FER: variants seen among roughly 807,000 people sequenced by gnomAD.
FER encodes FER tyrosine kinase.
Under a neutral mutation model 111.0 loss-of-function variants are expected in FER, and 63 were observed. That is an observed-to-expected ratio of 0.57 (90% confidence interval 0.46 to 0.70). The LOEUF is 0.70. Ranked by LOEUF, FER falls within the 30% of genes least tolerant of loss-of-function variation. The pLI, the probability that FER is intolerant of heterozygous loss-of-function variation, is 0.00. For synonymous variants in FER, 327 were observed against 313.9 expected, an observed-to-expected ratio of 1.04 and a Z score of -0.44; for missense variants, 914 against 954.0, an observed-to-expected ratio of 0.96 and a Z score of 0.55.
At chr5:109,131,568 A>G (rs1316455069) in intron 17 of FER, among the ~76,000 whole-genome samples, 2 of 151,944 alleles carry the variant, frequency 1.3e-5, no homozygotes, top group African/African-American at 4.8e-5. Context: ...CATTATTTCA[A>G]TTTTTCTTTT....
chr5:108,948,092 T>G (rs1034573148), intron 11 of FER, among the ~76,000 whole-genome samples: 3 of 152,134 alleles, frequency 2.0e-5, no homozygotes, highest in Admixed American at 2.0e-4. Context: ...AAAATTAGAA[T>G]GTTAAAGCAT....
intron 10 of FER, among the ~76,000 whole-genome samples, chr5:108,918,530 A>G (rs1034689341): frequency 1.4e-5 from 2 of 143,666 alleles, no homozygotes; most frequent in Admixed American, 1.4e-4. Context: ...TCTGTTGCCC[A>G]GGCTGGAGTG....
intron 16 of FER, among the ~76,000 whole-genome samples, chr5:109,067,496 A>T (rs1266923546): frequency 6.6e-6 from 1 of 151,854 alleles, no homozygotes; most frequent in Non-Finnish European, 1.5e-5. Flanking sequence ...TTTATTTTTT[A>T]TCACAAATGA....
At chr5:109,183,714 A>C (rs147049381) in intron 18 of FER, among the ~76,000 whole-genome samples, 94 of 152,246 alleles carry the variant, frequency 6.2e-4, no homozygotes, top group Non-Finnish European at 1.2e-3. Flanking sequence ...CCACAGAGCC[A>C]TGATCATGCC....
At chr5:109,136,907 C>G (rs1752953600) in intron 17 of FER, among the ~76,000 whole-genome samples, 1 of 152,018 alleles carries the variant, frequency 6.6e-6, no homozygotes, top group African/African-American at 2.4e-5. Context: ...CTCAGGTAAC[C>G]TGAAGTATTT....
At chr5:108,799,745 A>G (rs1445591765) in intron 3 of FER, among the ~76,000 whole-genome samples, 1 of 152,166 alleles carries the variant, frequency 6.6e-6, no homozygotes, top group Non-Finnish European at 1.5e-5. Flanking sequence ...GTATTTTAAA[A>G]GTCACATTTT....
intron 1 of FER, among the ~76,000 whole-genome samples, chr5:108,749,191 C>A (rs1032551787): frequency 3.3e-5 from 5 of 152,126 alleles, no homozygotes; most frequent in Admixed American, 3.3e-4. Flanking sequence ...CCCCAACCCC[C>A]GTCCCTGGCT....
intron 2 of FER, among the ~76,000 whole-genome samples, chr5:108,768,762 C>T (rs1752586079): frequency 6.6e-6 from 1 of 152,000 alleles, no homozygotes; most frequent in Non-Finnish European, 1.5e-5. Context: ...TTATTTCTAT[C>T]CTTATATTCT....
At chr5:108,982,743 A>T (rs978661988) in intron 13 of FER, among the ~76,000 whole-genome samples, 2 of 152,106 alleles carry the variant, frequency 1.3e-5, no homozygotes, top group South Asian at 4.1e-4. Context: ...GAAAGCTACT[A>T]TGAAGATTAT....
chr5:109,009,116 C>T (rs1025509042), intron 13 of FER, among the ~76,000 whole-genome samples: 6 of 137,848 alleles, frequency 4.4e-5, no homozygotes, highest in Admixed American at 3.3e-4. Flanking sequence ...GGCGTGATCT[C>T]GGCTCCCTGC....
At chr5:109,039,965 A>G (rs532696322) in intron 14 of FER, among the ~76,000 whole-genome samples, 1 of 152,222 alleles carries the variant, frequency 6.6e-6, no homozygotes, top group East Asian at 1.9e-4. Flanking sequence ...TGCTAGGTTA[A>G]GATGATAGCA....
At chr5:108,967,378 G>C (rs368350055) in intron 13 of FER, among the ~76,000 whole-genome samples, 3 of 152,162 alleles carry the variant, frequency 2.0e-5, no homozygotes, top group Non-Finnish European at 4.4e-5. Context: ...TATGGGCTCA[G>C]AATAGGGGAG....
At chr5:108,835,637 T>C in intron 4 of FER, 71 bp from the exon 5 acceptor site, 5 of 986,006 alleles carry the variant, frequency 5.1e-6, no homozygotes, top group South Asian at 1.5e-5. Context: ...GTTAATACTT[T>C]GGAATTTAAG....
chr5:108,995,330 A>C (rs779904841), intron 13 of FER, among the ~76,000 whole-genome samples: 2 of 151,970 alleles, frequency 1.3e-5, no homozygotes, highest in Non-Finnish European at 2.9e-5. Context: ...GGTTTGTTAC[A>C]TAGGTATACA....
rs1318106524 is a variant in FER, at chr5:109,195,976, T to G, written c.*8401T>G. 3.3e-5 allele frequency: 5 copies of G among 152,228 alleles called. No homozygotes were observed. The highest frequency in any genetic ancestry group is 7.3e-5 in the Non-Finnish European group (5 of 68,080). The allele number at this position is 152,228 out of a possible 1,614,324, so 9.4% of individuals were successfully genotyped here. Reference sequence around the variant, plus strand: ...TTTCTTGGTTTTGTCTGGCTTCTTCTGGCAAGTGCCCTAAAAGACTGGAAC... The same window carrying G: ...TTTCTTGGTTTTGTCTGGCTTCTTCGGGCAAGTGCCCTAAAAGACTGGAAC... On this transcript the variant is annotated 3_prime_UTR_variant, in exon 20 of 20. Transcript: ENST00000281092.
chr5:109,100,779 G>A (rs374386928), intron 17 of FER, among the ~76,000 whole-genome samples: 32 of 151,676 alleles, frequency 2.1e-4, no homozygotes, highest in African/African-American at 6.8e-4. Flanking sequence ...CATGAACAAC[G>A]GTGACATGGA....
intron 13 of FER, among the ~76,000 whole-genome samples, chr5:109,026,394 C>G (rs1004506110): frequency 6.6e-6 from 1 of 151,874 alleles, no homozygotes; most frequent in East Asian, 1.9e-4. Context: ...CAGATAGATT[C>G]CAGATGGGCA....
intron 13 of FER, among the ~76,000 whole-genome samples, chr5:108,987,402 C>T (rs977540389): frequency 7.9e-5 from 12 of 152,068 alleles, no homozygotes; most frequent in Non-Finnish European, 1.5e-4. Flanking sequence ...GATGAGATCA[C>T]GCCCTTGTAC....
At chr5:108,983,084 G>C (rs1031555070) in intron 13 of FER, among the ~76,000 whole-genome samples, 1 of 151,984 alleles carries the variant, frequency 6.6e-6, no homozygotes, top group Non-Finnish European at 1.5e-5. Context: ...TATGTATTCA[G>C]TAAATATTTG....
Sources: allele counts gnomAD v4.1 joint callset (sites outside exome capture counted in the v4.1 genomes callset), GRCh38; gene constraint gnomAD v4.1.1; transcripts MANE v1.5; gene names NCBI Gene and HGNC (gene_info 2026-07-23, HGNC 2026-07-21).